ARHGAP32: variants seen among roughly 807,000 people sequenced by gnomAD.
ARHGAP32 encodes rho GTPase-activating protein 32.
Under a neutral mutation model 186.5 loss-of-function variants are expected in ARHGAP32, and 51 were observed. That is an observed-to-expected ratio of 0.27 (90% CI 0.22 to 0.35). ARHGAP32 has a LOEUF of 0.35. ARHGAP32 is among the 10% of genes least tolerant of loss of function. ARHGAP32 has a pLI of 1.00. For missense variants in ARHGAP32, 2,186 were observed against 2,623.5 expected, an observed-to-expected ratio of 0.83 and a Z score of 3.64; for synonymous variants, 950 against 964.3, an observed-to-expected ratio of 0.99 and a Z score of 0.27.
At chr11:129,164,072 G>T (rs2135487335) in intron 2 of ARHGAP32, among the ~76,000 whole-genome samples, 1 of 152,108 alleles carries the variant, frequency 6.6e-6, no homozygotes, top group Middle Eastern at 3.4e-3. Flanking sequence ...GAGGCCATCT[G>T]TGACTACCCT....
chr11:129,091,596 A>G (rs553856658), intron 6 of ARHGAP32, among the ~76,000 whole-genome samples: 1 of 152,146 alleles, frequency 6.6e-6, no homozygotes, highest in Non-Finnish European at 1.5e-5. Context: ...GATATTATTA[A>G]AAAGTAGAAA....
At chr11:129,060,577 AT>A (rs1940461201) in intron 10 of ARHGAP32, among the ~76,000 whole-genome samples, 1 of 152,138 alleles carries the variant, frequency 6.6e-6, no homozygotes, top group African/African-American at 2.4e-5. Context: ...TTAGTTTTAT[AT>A]TTAATCAAAA....
intron 1 of ARHGAP32, among the ~76,000 whole-genome samples, chr11:129,251,646 C>T (rs1945184894): frequency 6.6e-6 from 1 of 151,800 alleles, no homozygotes; most frequent in Non-Finnish European, 1.5e-5. Context: ...AACAAAGTAC[C>T]AGCCCAGCGC....
intron 1 of ARHGAP32, among the ~76,000 whole-genome samples, chr11:129,185,340 A>T (rs537137497): frequency 1.3e-5 from 2 of 152,322 alleles, no homozygotes; most frequent in South Asian, 4.1e-4. Flanking sequence ...TTCTCAGCAA[A>T]CTATCACAAG....
At chr11:129,232,931 G>C (rs1301901901) in intron 1 of ARHGAP32, among the ~76,000 whole-genome samples, 1 of 152,128 alleles carries the variant, frequency 6.6e-6, no homozygotes, top group African/African-American at 2.4e-5. Context: ...GGCCTGCATA[G>C]ATCTCTTCCA....
intron 1 of ARHGAP32, among the ~76,000 whole-genome samples, chr11:129,169,669 T>C (rs1410759317): frequency 2.0e-5 from 3 of 149,296 alleles, no homozygotes; most frequent in Admixed American, 1.3e-4. Context: ...TGTGAGGCCA[T>C]TATGAACATT....
At chr11:129,016,776 C>T (rs1938363527) in intron 11 of ARHGAP32, among the ~76,000 whole-genome samples, 1 of 152,160 alleles carries the variant, frequency 6.6e-6, no homozygotes, top group South Asian at 2.1e-4. Context: ...CTCATTGAAG[C>T]TGCACTGAAT....
chr11:129,064,763 C>CA, intron 8 of ARHGAP32, 78 bp downstream of exon 8: 1 of 1,162,090 alleles, frequency 8.6e-7, no homozygotes, highest in Non-Finnish European at 1.2e-6. Flanking sequence ...CAATAGACAT[C>CA]AAAATTATGT....
At chr11:129,035,203 T>G (rs1011462285) in intron 11 of ARHGAP32, among the ~76,000 whole-genome samples, 3 of 152,194 alleles carry the variant, frequency 2.0e-5, no homozygotes, top group African/African-American at 7.2e-5. Context: ...TCTATCAAAC[T>G]CTTACCTTCT....
chr11:129,140,943 A>G (rs1178571116), intron 2 of ARHGAP32, among the ~76,000 whole-genome samples: 1 of 152,098 alleles, frequency 6.6e-6, no homozygotes, highest in Non-Finnish European at 1.5e-5. Context: ...CAAGGTGTCT[A>G]CCACTGTGTC....
intron 1 of ARHGAP32, among the ~76,000 whole-genome samples, chr11:129,201,975 C>A (rs1293656248): frequency 6.6e-6 from 1 of 151,866 alleles, no homozygotes; most frequent in Non-Finnish European, 1.5e-5. Context: ...AGAGCAAGAG[C>A]CTGTCTCTGT....
At chr11:129,260,515 T>C (rs1287092425) in intron 1 of ARHGAP32, among the ~76,000 whole-genome samples, 1 of 152,176 alleles carries the variant, frequency 6.6e-6, no homozygotes, top group Non-Finnish European at 1.5e-5. Flanking sequence ...AGTTGTGACA[T>C]TTATTTTCAA....
At chr11:129,259,095 G>A (rs192006508) in intron 1 of ARHGAP32, among the ~76,000 whole-genome samples, 2 of 152,240 alleles carry the variant, frequency 1.3e-5, no homozygotes, top group East Asian at 1.9e-4. Context: ...TGGGAAAAAG[G>A]AACCACTTCA....
Position 128,986,377 on chromosome 11 carries a change from G to A in ARHGAP32, c.1443+147C>T, listed in dbSNP as rs149202716. The A allele has an allele frequency of 7.9e-5, 66 of 839,168 alleles. 1 individual carries two copies. In the East Asian group the frequency reaches 1.5e-3, roughly 19 times the overall value. The allele number at this position is 839,168 out of a possible 1,614,324, so 52.0% of individuals were successfully genotyped here. ...CAATGTGAAAACAGCAAAGACCACCGACTAGCTGGCAATATTTGTTTTTTT... is the reference window on the plus strand; with the variant it reads ...CAATGTGAAAACAGCAAAGACCACCAACTAGCTGGCAATATTTGTTTTTTT... On this transcript the variant is annotated intron_variant, in intron 14 of 22. Coordinates refer to ENST00000682385, the MANE Select transcript of ARHGAP32 (RefSeq NM_001378024.1).
intron 7 of ARHGAP32, 38 bp from the exon 8 acceptor site, chr11:129,064,971 T>C: frequency 6.8e-7 from 1 of 1,481,012 alleles, no homozygotes; most frequent in Non-Finnish European, 9.2e-7. Context: ...TGAGTAAAGA[T>C]ACTATGCTCT....
upstream of ARHGAP32, among the ~76,000 whole-genome samples, chr11:129,193,705 AT>A (rs1944346349): frequency 2.5e-5 from 1 of 39,704 alleles, no homozygotes; most frequent in African/African-American, 8.7e-5. Context: ...AATATATAAT[AT>A]ATATTATATA....
intron 1 of ARHGAP32, among the ~76,000 whole-genome samples, chr11:129,254,135 C>T (rs754570305): frequency 9.2e-5 from 14 of 152,012 alleles, no homozygotes; most frequent in Non-Finnish European, 1.5e-4. Flanking sequence ...ATGACCCCTA[C>T]GCCCTTGTAA....
chr11:129,170,935 T>C (rs1943747419), intron 1 of ARHGAP32, among the ~76,000 whole-genome samples: 1 of 152,262 alleles, frequency 6.6e-6, no homozygotes, highest in African/African-American at 2.4e-5. Context: ...GTTGAGCTTC[T>C]TTTCATGTTT....
intron 1 of ARHGAP32, among the ~76,000 whole-genome samples, chr11:129,198,525 T>C (rs1218795630): frequency 5.3e-5 from 8 of 152,100 alleles, no homozygotes. Flanking sequence ...GATCTGATGG[T>C]TTTATAAGGG....
Sources: allele counts gnomAD v4.1 joint callset (sites outside exome capture counted in the v4.1 genomes callset), GRCh38; gene constraint gnomAD v4.1.1; transcripts MANE v1.5; gene names NCBI Gene and HGNC (gene_info 2026-07-23, HGNC 2026-07-21).